The following ELMOD1 variants were observed in gnomAD, a reference collection of about 807,000 sequenced individuals.
The protein encoded by ELMOD1 is ELMO domain-containing protein 1.
Under a neutral mutation model 46.7 loss-of-function variants are expected in ELMOD1, and 21 were observed. The ratio of observed to expected loss-of-function variants is 0.45; its 90% CI spans 0.32 to 0.65. The LOEUF (loss-of-function observed/expected upper bound fraction) is 0.65. Ranked by LOEUF, ELMOD1 falls within the 30% of genes least tolerant of loss-of-function variation. The pLI is 0.04. For missense variants in ELMOD1, 348 were observed against 407.8 expected, an observed-to-expected ratio of 0.85 and a Z score of 1.26; for synonymous variants, 122 against 138.2, an observed-to-expected ratio of 0.88 and a Z score of 0.82.
chr11:107,622,607 T>G (rs751165957), intron 2 of ELMOD1, among the ~76,000 whole-genome samples: 1 of 152,218 alleles, frequency 6.6e-6, no homozygotes, highest in African/African-American at 2.4e-5. Context: ...CATAGTTCAT[T>G]GAGGCAAATT....
At chr11:107,661,627 A>G (rs1261662500) in intron 11 of ELMOD1, among the ~76,000 whole-genome samples, 2 of 152,218 alleles carry the variant, frequency 1.3e-5, no homozygotes, top group African/African-American at 4.8e-5. Flanking sequence ...GGAAAGAAGG[A>G]TTTATAAATT....
At chr11:107,661,547 A>G (rs1866740261) in intron 11 of ELMOD1, among the ~76,000 whole-genome samples, 1 of 152,248 alleles carries the variant, frequency 6.6e-6, no homozygotes, top group Admixed American at 6.5e-5. Context: ...GACTCTATGT[A>G]CAAAATAGAT....
chr11:107,646,361 T>C (rs1233135669), intron 6 of ELMOD1, among the ~76,000 whole-genome samples: 1 of 152,220 alleles, frequency 6.6e-6, no homozygotes, highest in Admixed American at 6.5e-5. Context: ...TTTTGAGGTT[T>C]ATTCATGAAC....
At chr11:107,593,602 G>A (rs532021627) in intron 1 of ELMOD1, among the ~76,000 whole-genome samples, 1 of 152,292 alleles carries the variant, frequency 6.6e-6, no homozygotes, top group Non-Finnish European at 1.5e-5. Flanking sequence ...CGTTCTCCGA[G>A]TCCTCTGAGA....
chr11:107,654,656 C>CTACT (rs1260284912), intron 10 of ELMOD1, among the ~76,000 whole-genome samples: 1 of 151,674 alleles, frequency 6.6e-6, no homozygotes, highest in Admixed American at 6.6e-5. Context: ...GTAGTCCCAG[C>CTACT]TACTCGGGAG....
chr11:107,598,185 G>C (rs778082604), intron 1 of ELMOD1, among the ~76,000 whole-genome samples: 153 of 152,228 alleles, frequency 1.0e-3, no homozygotes, highest in African/African-American at 2.6e-3. Context: ...TTATTATGAG[G>C]AATTGGCTTA....
At chr11:107,597,960 G>A (rs1300415559) in intron 1 of ELMOD1, among the ~76,000 whole-genome samples, 5 of 152,152 alleles carry the variant, frequency 3.3e-5, no homozygotes, top group African/African-American at 1.2e-4. Flanking sequence ...ATTAGACAAC[G>A]ATGGAAGATG....
At chr11:107,613,743 C>T (rs1052943477) in intron 1 of ELMOD1, among the ~76,000 whole-genome samples, 3 of 152,084 alleles carry the variant, frequency 2.0e-5, no homozygotes, top group African/African-American at 4.8e-5. Context: ...TTCTAAAATG[C>T]AATCCATTCT....
chr11:107,635,681 C>T lies in ELMOD1; in HGVS notation c.336C>T (p.Tyr112=). 2 of 1,613,942 alleles carry T rather than the reference C, an allele frequency of 1.2e-6. No individual in the cohort carries two copies. The highest frequency in any genetic ancestry group is 1.6e-4 in the Middle Eastern group (1 of 6,062). ...LQACLLQIVG[Y]RNLIADVEKL... is the part of the protein sequence containing the mutation. ...CTTGCCTTCTGCAAATCGTTGGGTA[C>T]AGGAACCTTATTGCAGATGTGGAAA... Residue 112 remains tyrosine (Y), a synonymous_variant, in exon 6 of 12, where the codon TAC becomes TAT. Coordinates refer to ENST00000265840, the MANE Select transcript of ELMOD1 (RefSeq NM_018712.4).
intron 6 of ELMOD1, among the ~76,000 whole-genome samples, chr11:107,637,796 C>A (rs1398123914): frequency 6.6e-6 from 1 of 152,150 alleles, no homozygotes; most frequent in African/African-American, 2.4e-5. Context: ...TTCTAGCCAT[C>A]ATCTCCAACT....
At chr11:107,609,271 G>A (rs1205187392) in intron 1 of ELMOD1, among the ~76,000 whole-genome samples, 7 of 152,116 alleles carry the variant, frequency 4.6e-5, no homozygotes, top group Non-Finnish European at 1.0e-4. Flanking sequence ...TAAATGTGCT[G>A]TCTACAACTT....
At chr11:107,599,182 T>C (rs1024247095) in intron 1 of ELMOD1, among the ~76,000 whole-genome samples, 4 of 152,156 alleles carry the variant, frequency 2.6e-5, no homozygotes, top group Non-Finnish European at 2.9e-5. Flanking sequence ...ATTTTAAAAA[T>C]TGATTTAGTA....
chr11:107,663,005 A>ACT (rs10654922), intron 11 of ELMOD1, among the ~76,000 whole-genome samples: 5 of 151,392 alleles, frequency 3.3e-5, no homozygotes, highest in Admixed American at 6.6e-5. Context: ...TTGAGATTAC[A>ACT]GGTGTGAGCC....
chr11:107,612,335 A>G (rs991439111), intron 1 of ELMOD1, among the ~76,000 whole-genome samples: 2 of 152,304 alleles, frequency 1.3e-5, no homozygotes, highest in East Asian at 3.9e-4. Context: ...GATGGCAACA[A>G]TAGACACTGG....
chr11:107,660,919 A>G, intron 11 of ELMOD1, among the ~76,000 whole-genome samples: 1 of 152,196 alleles, frequency 6.6e-6, no homozygotes, highest in East Asian at 1.9e-4. Flanking sequence ...CTTTTTCTTC[A>G]TCTGCAATAC....
intron 6 of ELMOD1, among the ~76,000 whole-genome samples, chr11:107,644,306 A>C (rs1027318205): frequency 6.6e-6 from 1 of 151,862 alleles, no homozygotes. Flanking sequence ...CAAAGAAAAA[A>C]AAAAAAAGCA....
chr11:107,664,928 C>T, intron 11 of ELMOD1, 97 bp from the exon 12 acceptor site: 2 of 1,140,754 alleles, frequency 1.8e-6, no homozygotes, highest in Middle Eastern at 2.3e-4. Flanking sequence ...GTTGCTGTGG[C>T]TTGGTTCAGC....
At position 107,630,489 on chromosome 11, in the gene ELMOD1, G is replaced by A. The variant is rs1866116709; in HGVS notation, c.90G>A (p.Lys30=). Residue 30 remains lysine (K), a synonymous_variant, in exon 3 of 12, where the codon AAG becomes AAA. Transcript: ENST00000265840. ...GCTGCCTGAAATTTGTAATGAGGAAGCTAACTGGAAGATGTGAACTACAAC... is the reference window on the plus strand; with the variant it reads ...GCTGCCTGAAATTTGTAATGAGGAAACTAACTGGAAGATGTGAACTACAAC... ...LWRCLKFVMR[K]LTGRCELQRI... is the part of the protein sequence containing the mutation. The A allele has an allele frequency of 6.2e-7, 1 of 1,608,790 alleles. No individual in the cohort carries two copies. Among genetic ancestry groups the A allele is most frequent in the Non-Finnish European group, 8.5e-7 (1 of 1,177,444 alleles).
chr11:107,631,397 A>AC (rs10539761), intron 4 of ELMOD1, among the ~76,000 whole-genome samples, 183 bp from the exon 5 acceptor site: 17,785 of 132,214 alleles, frequency 0.13, 1,470 homozygotes, highest in South Asian at 0.19. Context: ...AAATTGCACT[A>AC]CCCCCCCCCC....
Sources: gnomAD v4.1 joint callset for allele counts (sites outside exome capture counted in the v4.1 genomes callset) on GRCh38, gnomAD v4.1.1 for gene constraint, MANE v1.5 for transcripts, NCBI Gene and HGNC (gene_info 2026-07-23, HGNC 2026-07-21) for gene names.